The following CCDC171 variants were observed in gnomAD, a reference collection of about 807,000 sequenced individuals.
CCDC171 encodes coiled-coil domain-containing protein 171.
A neutral mutation model predicts 168.2 loss-of-function variants in CCDC171; 177 were observed. The observed-to-expected ratio is 1.05, with a 90% CI of 0.93 to 1.19. CCDC171 has a LOEUF of 1.19. Ranked by LOEUF, CCDC171 falls within the 50% of genes most tolerant of loss-of-function variation. The probability of loss-of-function intolerance (pLI) is 0.00; values close to 1 mark genes in which losing one functional copy is unlikely to be tolerated. For missense variants in CCDC171, 1,991 were observed against 1,539.0 expected (o/e 1.29, Z -4.91); for synonymous variants, 687 against 540.8 (o/e 1.27, Z -3.75).
intron 18 of CCDC171, among the ~76,000 whole-genome samples, chr9:15,749,462 C>T (rs2055558751): frequency 6.6e-6 from 1 of 152,134 alleles, no homozygotes; most frequent in Non-Finnish European, 1.5e-5. Context: ...GAGCTCTGGA[C>T]CAAGCGGACC....
chr9:15,631,575 G>T (rs552048629), intron 7 of CCDC171, among the ~76,000 whole-genome samples: 4 of 152,094 alleles, frequency 2.6e-5, no homozygotes, highest in Non-Finnish European at 5.9e-5. Context: ...ATTCACAGCC[G>T]AATTCTATCA....
intron 9 of CCDC171, among the ~76,000 whole-genome samples, chr9:15,670,690 T>G (rs142896354): frequency 1.3e-5 from 2 of 152,338 alleles, no homozygotes; most frequent in African/African-American, 4.8e-5. Context: ...ATACTTTATT[T>G]TTTCTACAGT....
chr9:15,586,795 A>G (rs890412351), intron 4 of CCDC171, among the ~76,000 whole-genome samples: 1 of 151,938 alleles, frequency 6.6e-6, no homozygotes, highest in Non-Finnish European at 1.5e-5. Flanking sequence ...CTTCCCTTTA[A>G]TTAATTAATT....
At chr9:15,600,858 G>T (rs188007401) in intron 6 of CCDC171, among the ~76,000 whole-genome samples, 160 of 152,258 alleles carry the variant, frequency 1.1e-3, no homozygotes, top group Middle Eastern at 3.4e-3. Flanking sequence ...CCCCAGCCTC[G>T]CTGCCACCTT....
At chr9:16,095,092 C>A in the CCDC171 span, among the ~76,000 whole-genome samples, 1 of 152,166 alleles carries the variant, frequency 6.6e-6, no homozygotes, top group African/African-American at 2.4e-5. Context: ...TCCTGTACAG[C>A]CTGCAGAACC....
At chr9:15,996,045 C>G (rs1832360092) in intron 3 of CCDC171, among the ~76,000 whole-genome samples, 1 of 152,236 alleles carries the variant, frequency 6.6e-6, no homozygotes, top group Non-Finnish European at 1.5e-5. Context: ...CCGTGCTCTT[C>G]TGTAAGATGT....
chr9:15,647,474 G>T (rs2047142078), intron 7 of CCDC171, among the ~76,000 whole-genome samples: 2 of 151,814 alleles, frequency 1.3e-5, no homozygotes, highest in Non-Finnish European at 2.9e-5. Context: ...TTTTTTAAAA[G>T]ATCAACAAAA....
intron 23 of CCDC171, among the ~76,000 whole-genome samples, chr9:15,867,404 C>A (rs1039422927): frequency 6.6e-6 from 1 of 151,940 alleles, no homozygotes; most frequent in Admixed American, 6.6e-5. Flanking sequence ...GAAACATGAT[C>A]CTCTGCCTCT....
At chr9:15,710,123 TATAA>T (rs2052549714) in intron 11 of CCDC171, among the ~76,000 whole-genome samples, 1 of 152,138 alleles carries the variant, frequency 6.6e-6, no homozygotes, top group African/African-American at 2.4e-5. Flanking sequence ...CTTTTAAAAA[TATAA>T]ATATAAGATC....
chr9:15,576,078 C>A (rs1239408099), intron 3 of CCDC171, among the ~76,000 whole-genome samples: 1 of 137,504 alleles, frequency 7.3e-6, no homozygotes, highest in Non-Finnish European at 1.5e-5. Context: ...GGCAACAGAG[C>A]GAGACTCTGT....
intron 4 of CCDC171, among the ~76,000 whole-genome samples, chr9:15,584,395 A>G (rs2041388965): frequency 6.6e-6 from 1 of 152,250 alleles, no homozygotes; most frequent in South Asian, 2.1e-4. Flanking sequence ...GAGCCTCCAG[A>G]TATGAAGACG....
At chr9:15,623,471 G>GCGCGCGCGCGCGCGCGCGCA in intron 7 of CCDC171, 58 bp downstream of exon 7, 1 of 505,242 alleles carries the variant, frequency 2.0e-6, no homozygotes, top group Non-Finnish European at 3.3e-6. Context: ...ATATGCGCGC[G>GCGCGCGCGCGCGCGCGCGCA]CGCGCACACA....
chr9:16,003,774 T>G (rs1341762316), intron 3 of CCDC171, among the ~76,000 whole-genome samples: 1 of 152,154 alleles, frequency 6.6e-6, no homozygotes. Context: ...TAAGAGGTAT[T>G]ATATGTATGA....
chr9:15,593,010 C>T (rs2042100890), intron 5 of CCDC171, among the ~76,000 whole-genome samples: 1 of 151,966 alleles, frequency 6.6e-6, no homozygotes, highest in Non-Finnish European at 1.5e-5. Context: ...TCTCCTAATG[C>T]TATCCCTCCC....
At chr9:15,825,912 G>T (rs2059992234) in intron 21 of CCDC171, among the ~76,000 whole-genome samples, 1 of 152,084 alleles carries the variant, frequency 6.6e-6, no homozygotes, top group East Asian at 1.9e-4. Flanking sequence ...TTCACTTTGT[G>T]AAATAATACT....
At chr9:15,566,105 C>T (rs415157) in intron 2 of CCDC171, among the ~76,000 whole-genome samples, 8,668 of 151,918 alleles carry the variant, frequency 0.057, 310 homozygotes, top group African/African-American at 0.097. Flanking sequence ...TAATGATTAA[C>T]GATGTTGAAC....
chr9:15,557,143 G>T (rs1360351917), intron 1 of CCDC171, among the ~76,000 whole-genome samples: 1 of 152,114 alleles, frequency 6.6e-6, no homozygotes, highest in Non-Finnish European at 1.5e-5. Context: ...GGTGACTGTA[G>T]CCTTGTAGTA....
chr9:15,862,890 A>C (rs2061619835), intron 23 of CCDC171, among the ~76,000 whole-genome samples: 2 of 152,068 alleles, frequency 1.3e-5, no homozygotes, highest in South Asian at 4.1e-4. Flanking sequence ...CTCTGGTAAT[A>C]CTTGGAAAAG....
chr9:15,624,780 C>T (rs962558352), intron 7 of CCDC171, among the ~76,000 whole-genome samples: 2 of 152,128 alleles, frequency 1.3e-5, no homozygotes, highest in African/African-American at 4.8e-5. Context: ...CATACGTGTG[C>T]ATGTGTCTTT....
Sources: allele counts gnomAD v4.1 joint callset (sites outside exome capture counted in the v4.1 genomes callset), GRCh38; gene constraint gnomAD v4.1.1; transcripts MANE v1.5; gene names NCBI Gene and HGNC (gene_info 2026-07-23, HGNC 2026-07-21).